UVRAG: variants seen among roughly 807,000 people sequenced by gnomAD.
UVRAG encodes the protein UV radiation resistance-associated gene protein.
In UVRAG, 19 loss-of-function variants were observed where a neutral mutation model predicts 78.0. That is an observed-to-expected ratio of 0.24 (90% CI 0.17 to 0.36). UVRAG has a LOEUF of 0.36. Ranked by LOEUF, UVRAG falls within the 10% of genes least tolerant of loss-of-function variation. The pLI is 1.00. For missense variants in UVRAG, 740 were observed against 853.8 expected (o/e 0.87, Z 1.66); for synonymous variants, 323 against 324.6 (o/e 1.00, Z 0.05).
intron 1 of UVRAG, among the ~76,000 whole-genome samples, chr11:75,841,982 C>T (rs549605915): frequency 2.0e-5 from 3 of 152,098 alleles, no homozygotes; most frequent in East Asian, 1.9e-4. Context: ...CTGGAGGCTC[C>T]GAGCCTCAGG....
rs376775696 is a variant in UVRAG at position 76,016,943 on chromosome 11, G to A, written c.1189G>A (p.Asp397Asn). 5 of 1,606,014 alleles carry A rather than the reference G, an allele frequency of 3.1e-6. No homozygotes were observed. The highest frequency in any genetic ancestry group is 4.3e-6 in the Non-Finnish European group (5 of 1,175,748). The change falls in exon 12 of 15, where the codon GAC (aspartate) becomes AAC (asparagine). Residue 397 changes from aspartate (D) to asparagine (N), a missense_variant. Physicochemically the swap from Asp to Asn is conservative, Grantham distance 23. Transcript: ENST00000356136. ...TAAGGGGTCTAGATCAACAATCAAA[G>A]ACAATATCAATGACAAACTGACGGA... ...IHKGSRSTIK[D>N]NINDKLTEKE...
intron 12 of UVRAG, among the ~76,000 whole-genome samples, chr11:76,035,013 C>T (rs1950506467): frequency 6.6e-6 from 1 of 152,112 alleles, no homozygotes; most frequent in Non-Finnish European, 1.5e-5. Flanking sequence ...TGAGAAGTGG[C>T]AGGTCTCTTG....
intron 1 of UVRAG, among the ~76,000 whole-genome samples, chr11:75,844,511 C>T (rs1945992332): frequency 6.6e-6 from 1 of 152,106 alleles, no homozygotes; most frequent in Admixed American, 6.5e-5. Context: ...AGGGGTGAGC[C>T]ACCGTGCCCG....
chr11:76,065,541 C>T (rs531487137), intron 12 of UVRAG, among the ~76,000 whole-genome samples, 169 bp from the exon 13 acceptor site: 1 of 152,280 alleles, frequency 6.6e-6, no homozygotes, highest in African/African-American at 2.4e-5. Flanking sequence ...GTTATTCTGA[C>T]TTAATTAATA....
At chr11:75,977,470 G>C (rs1305292727) in intron 7 of UVRAG, among the ~76,000 whole-genome samples, 1 of 152,148 alleles carries the variant, frequency 6.6e-6, no homozygotes, top group Non-Finnish European at 1.5e-5. Flanking sequence ...TGACAGTGGG[G>C]TGTTAAAGTC....
intron 13 of UVRAG, among the ~76,000 whole-genome samples, chr11:76,078,744 T>TA (rs1951443449): frequency 4.0e-5 from 1 of 24,972 alleles, no homozygotes; most frequent in Non-Finnish European, 8.6e-5. Context: ...TTTACTCTAC[T>TA]AAAAATACAA....
chr11:75,826,346 G>A (rs1278072965), intron 1 of UVRAG, among the ~76,000 whole-genome samples: 1 of 151,722 alleles, frequency 6.6e-6, no homozygotes, highest in East Asian at 1.9e-4. Context: ...TAGTAGAGAC[G>A]GGGTTTTACC....
At chr11:75,999,972 G>A (rs573324000) in intron 8 of UVRAG, among the ~76,000 whole-genome samples, 1 of 152,224 alleles carries the variant, frequency 6.6e-6, no homozygotes, top group African/African-American at 2.4e-5. Flanking sequence ...TTTGAAGGTA[G>A]ACTATGCTTA....
At chr11:75,898,540 A>C (rs1472583709) in intron 5 of UVRAG, among the ~76,000 whole-genome samples, 1 of 152,202 alleles carries the variant, frequency 6.6e-6, no homozygotes, top group African/African-American at 2.4e-5. Context: ...TGAATGGCCA[A>C]GATGTTAGGA....
At chr11:75,921,768 A>G (rs1293335968) in intron 6 of UVRAG, among the ~76,000 whole-genome samples, 1 of 151,924 alleles carries the variant, frequency 6.6e-6, no homozygotes, top group Non-Finnish European at 1.5e-5. Flanking sequence ...GGTAGAAATT[A>G]TTTCTTCATA....
intron 1 of UVRAG, among the ~76,000 whole-genome samples, chr11:75,832,470 G>A (rs749085546): frequency 6.6e-5 from 10 of 152,192 alleles, no homozygotes; most frequent in Non-Finnish European, 1.2e-4. Context: ...TACAACCTGG[G>A]AACAGCCAAT....
intron 14 of UVRAG, chr11:76,137,364 C>G (rs759637304): frequency 2.2e-6 from 1 of 456,042 alleles, no homozygotes; most frequent in Non-Finnish European, 4.4e-6. Flanking sequence ...TCCTGTAGTC[C>G]CCTTATTGTG....
At chr11:76,040,532 T>TTTTG (rs201347388) in intron 12 of UVRAG, among the ~76,000 whole-genome samples, 3 of 151,420 alleles carry the variant, frequency 2.0e-5, no homozygotes, top group East Asian at 1.9e-4. Context: ...ATTTTTGGTT[T>TTTTG]TTTGTTTGTT....
At position 75,861,819 on chromosome 11, in the gene UVRAG, A is replaced by G. The variant is rs761974771; in HGVS notation, c.270+39A>G. On this transcript the variant is annotated intron_variant, in intron 3 of 14. Transcript: ENST00000356136. ...CTGACGGGTACATATGACTAAGTAT[A>G]TACACCTGTTTTCAGAAAATGCAGA... 2.6e-6 allele frequency: 4 copies of G among 1,538,392 alleles called. No homozygotes were observed. In the South Asian group the frequency reaches 3.4e-5, roughly 13 times the overall value.
chr11:75,963,349 TAAAG>T (rs1291570039), intron 7 of UVRAG, among the ~76,000 whole-genome samples: 1 of 152,190 alleles, frequency 6.6e-6, no homozygotes, highest in Non-Finnish European at 1.5e-5. Flanking sequence ...AAATGAAGCT[TAAAG>T]AAGGGAAACA....
At chr11:75,947,246 A>T (rs1948603401) in intron 6 of UVRAG, among the ~76,000 whole-genome samples, 1 of 152,130 alleles carries the variant, frequency 6.6e-6, no homozygotes, top group African/African-American at 2.4e-5. Flanking sequence ...GGTTAACTCA[A>T]AGTGAACTGA....
rs1591258059 is a variant in UVRAG, at chr11:76,118,900, G to A, written c.1397+2885G>A. Among the ~76,000 whole-genome samples, 9 of 152,148 alleles carry A rather than the reference G, an allele frequency of 5.9e-5. No homozygotes were observed. In the South Asian group the frequency reaches 1.9e-3, roughly 32 times the overall value. ...TCTCCAGAACAGTTCATATAAGATA[G>A]GAGGAAGTATCTCTATCTTAAAGGT... On this transcript the variant is annotated intron_variant, in intron 14 of 14. Transcript: ENST00000356136.
chr11:75,844,375 C>T (rs556113628), intron 1 of UVRAG, among the ~76,000 whole-genome samples: 104 of 151,856 alleles, frequency 6.8e-4, no homozygotes, highest in Middle Eastern at 3.4e-3. Context: ...TACAGGTGCC[C>T]GCCACCACGC....
chr11:75,969,400 A>G (rs1949084425), intron 7 of UVRAG, among the ~76,000 whole-genome samples: 2 of 152,164 alleles, frequency 1.3e-5, no homozygotes, highest in African/African-American at 4.8e-5. Context: ...ATTGATAGAC[A>G]CTGGGTTGCT....
Sources: gnomAD v4.1 joint callset for allele counts (sites outside exome capture counted in the v4.1 genomes callset) on GRCh38, gnomAD v4.1.1 for gene constraint, MANE v1.5 for transcripts, NCBI Gene and HGNC (gene_info 2026-07-23, HGNC 2026-07-21) for gene names.